RPGRIP1: variants seen among roughly 807,000 people sequenced by gnomAD.
The protein encoded by RPGRIP1 is X-linked retinitis pigmentosa GTPase regulator-interacting protein 1.
In RPGRIP1, 128 loss-of-function variants were observed where a neutral mutation model predicts 157.9. The observed-to-expected ratio is 0.81, with a 90% CI of 0.70 to 0.94. The LOEUF (loss-of-function observed/expected upper bound fraction) is 0.94. RPGRIP1 is among the 40% of genes least tolerant of loss of function. The pLI, the probability that RPGRIP1 is intolerant of heterozygous loss-of-function variation, is 0.00. For missense variants in RPGRIP1, 1,486 were observed against 1,545.8 expected (o/e 0.96, Z 0.65); for synonymous variants, 554 against 571.6 (o/e 0.97, Z 0.44).
At chr14:21,299,107 T>C (rs1880918897) in intron 3 of RPGRIP1, among the ~76,000 whole-genome samples, 1 of 151,378 alleles carries the variant, frequency 6.6e-6, no homozygotes, top group South Asian at 2.1e-4. Flanking sequence ...CCTCCGCCTC[T>C]CAGATTCAAG....
At chr14:21,304,399 GAAA>G (rs1183326809) in intron 6 of RPGRIP1, among the ~76,000 whole-genome samples, 1 of 95,030 alleles carries the variant, frequency 1.1e-5, no homozygotes, top group Non-Finnish European at 2.4e-5. Flanking sequence ...GAGAAAGAAA[GAAA>G]GAAAGAAAGA....
At chr14:21,306,746 C>T (rs1472352585) in intron 6 of RPGRIP1, among the ~76,000 whole-genome samples, 2 of 149,876 alleles carry the variant, frequency 1.3e-5, no homozygotes. Flanking sequence ...CGTGAGCCAC[C>T]GTGCCGGGTG....
intron 8 of RPGRIP1, 54 bp from the exon 9 acceptor site, chr14:21,311,770 C>T: frequency 1.4e-6 from 2 of 1,465,904 alleles, no homozygotes; most frequent in South Asian, 1.3e-5. Context: ...TGTCTGGAGA[C>T]CACTCGTGCT....
Position 21,287,938 on chromosome 14 carries a change from G to T in RPGRIP1, c.-38-1G>T, listed in dbSNP as rs1790413566. 7.2e-7 allele frequency: 1 copy of T among 1,390,598 alleles called. No homozygotes were observed. Among genetic ancestry groups the T allele is most frequent in the African/African-American group, 1.4e-5 (1 of 69,842 alleles). 86.1% of individuals were successfully genotyped at this position (1,390,598 alleles called of 1,614,324 possible). On this transcript the variant is annotated splice_acceptor_variant, in intron 1 of 24. Coordinates refer to ENST00000400017, the MANE Select transcript of RPGRIP1 (RefSeq NM_020366.4). LOFTEE classifies it low-confidence loss of function (5UTR_SPLICE). The stretch of plus-strand genomic sequence containing the variant: ...CTGACTGGACTTTTCCTTTATTTCA[G>T]TGTCCTCTGGGATCTCTTACAGCTT...
Position 21,320,045 on chromosome 14 carries a change from C to A in RPGRIP1, c.1335C>A (p.Val445=). Residue 445 remains valine, a synonymous_variant, in exon 12 of 25, where the codon GTC becomes GTA. Transcript: ENST00000400017. ...KAQNEDLKLE[V]TNILQKHKQE... ...AAAATGAGGATCTGAAGCTTGAAGT[C>A]ACCAACATACTTCAGAAGCATAAAC... 6.2e-7 allele frequency: 1 copy of A among 1,612,854 alleles called. No individual in the cohort carries two copies. The highest frequency in any genetic ancestry group is 1.1e-5 in the South Asian group (1 of 90,788).
chr14:21,297,529 G>A (rs1235852721), intron 3 of RPGRIP1, among the ~76,000 whole-genome samples: 1 of 152,164 alleles, frequency 6.6e-6, no homozygotes, highest in Non-Finnish European at 1.5e-5. Context: ...AAGAATGGGA[G>A]TTCTCAAAGT....
At chr14:21,331,696 T>G (rs1024758099) in intron 20 of RPGRIP1, among the ~76,000 whole-genome samples, 8 of 152,246 alleles carry the variant, frequency 5.3e-5, no homozygotes, top group South Asian at 2.1e-4. Context: ...AAGGACACCC[T>G]TTGGGCATCT....
intron 2 of RPGRIP1, among the ~76,000 whole-genome samples, chr14:21,292,868 C>T (rs1004741118): frequency 4.0e-5 from 6 of 148,948 alleles, no homozygotes; most frequent in South Asian, 2.1e-4. Context: ...AATAATTAGC[C>T]GGGCGCAGTG....
intron 12 of RPGRIP1, 137 bp downstream of exon 12, chr14:21,320,314 C>T (rs1352416027): frequency 3.6e-6 from 3 of 822,244 alleles, no homozygotes; most frequent in Admixed American, 3.1e-5. Flanking sequence ...TTTTTTGAGA[C>T]AGAGTCTCGC....
At chr14:21,344,607 C>T (rs1885373104) in intron 22 of RPGRIP1, among the ~76,000 whole-genome samples, 1 of 152,080 alleles carries the variant, frequency 6.6e-6, no homozygotes. Flanking sequence ...ATCTTTTTTT[C>T]CTACCCTCAT....
chr14:21,287,819 A>G, intron 1 of RPGRIP1, 120 bp from the exon 2 acceptor site: 1 of 544,594 alleles, frequency 1.8e-6, no homozygotes, highest in Non-Finnish European at 3.4e-6. Context: ...CATGAGAATG[A>G]CTCTGACATG....
intron 24 of RPGRIP1, among the ~76,000 whole-genome samples, chr14:21,349,633 C>T (rs964243466): frequency 4.0e-5 from 6 of 151,438 alleles, no homozygotes; most frequent in Non-Finnish European, 8.8e-5. Context: ...AACTCCCAAC[C>T]TCATGTGATT....
intron 1 of RPGRIP1, among the ~76,000 whole-genome samples, chr14:21,282,263 A>C (rs1466741757): frequency 6.6e-6 from 1 of 151,886 alleles, no homozygotes; most frequent in Non-Finnish European, 1.5e-5. Context: ...TTTAAGACGG[A>C]GTCTTGCTCT....
chr14:21,325,239 T>C lies in RPGRIP1; in HGVS notation c.2223T>C (p.Gly741=), dbSNP rs759197657. Residue 741 remains glycine, a synonymous_variant, in exon 16 of 25, where the codon GGT becomes GGC. Transcript: ENST00000400017. ...ACACTTTCTGCTACCCAGGAGCTGG[T>C]GGAGAAGAGTTCGGGGTTCTAGAGT... is the stretch of plus-strand genomic sequence containing the variant. ...VHGLATLIGA[G]GEEFGVLEYW... 2.4e-5 allele frequency: 39 copies of C among 1,606,562 alleles called. No homozygotes were observed. Among genetic ancestry groups the C allele is most frequent in the Non-Finnish European group, 3.2e-5 (38 of 1,176,774 alleles).
Position 21,307,733 on chromosome 14 carries a change from C to T in RPGRIP1, c.803C>T (p.Ala268Val). The T allele has an allele frequency of 6.5e-7, 1 of 1,549,414 alleles. No individual in the cohort carries two copies. The highest frequency in any genetic ancestry group is 8.8e-7 in the Non-Finnish European group (1 of 1,141,506). The change falls in exon 7 of 25, where the codon GCT (alanine) becomes GTT (valine). Residue 268 changes from alanine to valine, a missense_variant and splice_region_variant. Transcript: ENST00000400017. Reference sequence around the variant, plus strand: ...TAATTTAGCGCCTTTCTCTGCAGAGCTTCCATTAAAGAGAAGGTAGAGCTG... The same window carrying T: ...TAATTTAGCGCCTTTCTCTGCAGAGTTTCCATTAAAGAGAAGGTAGAGCTG... ...ECAQKAAELR[A>V]SIKEKVELIR...
chr14:21,322,367 C>T (rs1882596934), intron 14 of RPGRIP1, among the ~76,000 whole-genome samples: 1 of 152,130 alleles, frequency 6.6e-6, no homozygotes, highest in Admixed American at 6.6e-5. Context: ...CCATGTTGGC[C>T]AGGTTGGTCT....
At chr14:21,333,370 C>A (rs898957355) in intron 20 of RPGRIP1, among the ~76,000 whole-genome samples, 29 of 152,176 alleles carry the variant, frequency 1.9e-4, no homozygotes, top group African/African-American at 6.8e-4. Flanking sequence ...CCGCTCAGAC[C>A]TTTTCCCTTT....
chr14:21,297,394 C>T (rs1258934839), intron 3 of RPGRIP1, among the ~76,000 whole-genome samples: 2 of 152,110 alleles, frequency 1.3e-5, no homozygotes, highest in African/African-American at 4.8e-5. Context: ...CGCGCCTGTC[C>T]CAGTGGGAAA....
intron 1 of RPGRIP1, among the ~76,000 whole-genome samples, chr14:21,285,163 A>G (rs1373559494): frequency 6.6e-6 from 1 of 152,014 alleles, no homozygotes; most frequent in African/African-American, 2.4e-5. Flanking sequence ...AAATGTCACA[A>G]GGGAAATAAA....
Sources: allele counts gnomAD v4.1 joint callset (sites outside exome capture counted in the v4.1 genomes callset), GRCh38; gene constraint gnomAD v4.1.1; transcripts MANE v1.5; gene names NCBI Gene and HGNC (gene_info 2026-07-23, HGNC 2026-07-21).